Variants in TBC1D32 observed in about 807,000 individuals in gnomAD.
TBC1D32 encodes TBC1 domain family member 32, also known as protein broad-minded.
A neutral mutation model predicts 170.3 loss-of-function variants in TBC1D32; 151 were observed. The observed-to-expected ratio is 0.89, with a 90% CI of 0.78 to 1.01. The LOEUF (loss-of-function observed/expected upper bound fraction) is 1.01. Ranked by LOEUF, TBC1D32 falls within the 50% of genes least tolerant of loss-of-function variation. TBC1D32 has a pLI of 0.00. For synonymous variants in TBC1D32, 498 were observed against 488.0 expected (o/e 1.02, Z -0.27); for missense variants, 1,464 against 1,457.1 (o/e 1.00, Z -0.08).
chr6:121,180,081 G>T (rs778334676), intron 22 of TBC1D32, among the ~76,000 whole-genome samples: 4 of 151,990 alleles, frequency 2.6e-5, no homozygotes, highest in Non-Finnish European at 5.9e-5. Context: ...TTTAATGAGG[G>T]TAATTAAAGA....
chr6:121,237,425 A>T (rs1408665366), intron 20 of TBC1D32, among the ~76,000 whole-genome samples: 2 of 151,944 alleles, frequency 1.3e-5, no homozygotes, highest in Non-Finnish European at 2.9e-5. Context: ...TTTTTCATCT[A>T]TAAATTTCTA....
At chr6:121,140,690 AT>A (rs938857325) in intron 24 of TBC1D32, among the ~76,000 whole-genome samples, 21 of 152,124 alleles carry the variant, frequency 1.4e-4, no homozygotes, top group Admixed American at 3.3e-4. Flanking sequence ...TTTTTTAGTT[AT>A]TTTTTTCAAT....
At chr6:121,086,589 C>G (rs1776293136) in intron 31 of TBC1D32, among the ~76,000 whole-genome samples, 1 of 152,100 alleles carries the variant, frequency 6.6e-6, no homozygotes, top group South Asian at 2.1e-4. Flanking sequence ...CTGATTTTTT[C>G]ATAATTATAA....
intron 9 of TBC1D32, among the ~76,000 whole-genome samples, chr6:121,301,539 G>A (rs1563310212): frequency 6.6e-6 from 1 of 152,024 alleles, no homozygotes; most frequent in Admixed American, 6.6e-5. Flanking sequence ...GCCTGTTTGG[G>A]GGTGGGGTGC....
intron 22 of TBC1D32, among the ~76,000 whole-genome samples, chr6:121,193,360 T>C (rs1790328728): frequency 6.6e-6 from 1 of 152,276 alleles, no homozygotes; most frequent in Admixed American, 6.5e-5. Context: ...GAGACTGAGA[T>C]GGTGGAGTGG....
In TBC1D32 at chr6:121,325,842, A is replaced by G. The variant is rs139785333; in HGVS notation, c.156-4048T>C. ...TATCACCAGAATGAACAGGCAACCT[A>G]CAGAATGGGAGAAAATTTTTGCAAT... On this transcript the variant is annotated intron_variant, in intron 1 of 31. Coordinates refer to ENST00000398212, the MANE Select transcript of TBC1D32 (RefSeq NM_152730.6). Among the ~76,000 whole-genome samples, 316 of 152,312 alleles carry G rather than the reference A, an allele frequency of 2.1e-3. 1 individual carries two copies. The highest frequency in any genetic ancestry group is 7.3e-3 in the African/African-American group (304 of 41,570).
At chr6:121,227,323 T>A (rs1046616310) in intron 20 of TBC1D32, among the ~76,000 whole-genome samples, 2 of 152,142 alleles carry the variant, frequency 1.3e-5, no homozygotes, top group African/African-American at 4.8e-5. Context: ...CTTCAAATAG[T>A]TTTACATCTT....
intron 30 of TBC1D32, among the ~76,000 whole-genome samples, chr6:121,102,035 T>C (rs965799925): frequency 3.9e-5 from 6 of 152,072 alleles, no homozygotes; most frequent in Non-Finnish European, 8.8e-5. Context: ...TTACAAGAGA[T>C]GTGAAGGACC....
chr6:121,188,188 C>T (rs1383847066), intron 22 of TBC1D32, among the ~76,000 whole-genome samples: 1 of 151,882 alleles, frequency 6.6e-6, no homozygotes, highest in Middle Eastern at 3.2e-3. Context: ...TTGAGTGACT[C>T]AAATATAAAA....
At chr6:121,188,749 T>G (rs1305206278) in intron 22 of TBC1D32, among the ~76,000 whole-genome samples, 1 of 152,160 alleles carries the variant, frequency 6.6e-6, no homozygotes, top group Non-Finnish European at 1.5e-5. Flanking sequence ...ACTTTTTGAC[T>G]TTTTAAAATA....
chr6:121,147,568 TG>T (rs1365282375), intron 24 of TBC1D32, among the ~76,000 whole-genome samples: 1 of 151,914 alleles, frequency 6.6e-6, no homozygotes, highest in African/African-American at 2.4e-5. Flanking sequence ...TGATTAGTGA[TG>T]GTGAGCATTT....
At chr6:121,125,896 C>A (rs1433144643) in intron 26 of TBC1D32, among the ~76,000 whole-genome samples, 1 of 152,130 alleles carries the variant, frequency 6.6e-6, no homozygotes, top group Non-Finnish European at 1.5e-5. Context: ...TCACACCGAC[C>A]CAGACAAATG....
At chr6:121,193,191 C>T (rs1468420425) in intron 22 of TBC1D32, among the ~76,000 whole-genome samples, 1 of 152,168 alleles carries the variant, frequency 6.6e-6, no homozygotes, top group Non-Finnish European at 1.5e-5. Flanking sequence ...TAAGTAGGGA[C>T]TCTGCATTTA....
intron 21 of TBC1D32, among the ~76,000 whole-genome samples, chr6:121,216,682 AC>A (rs1210431417): frequency 6.6e-6 from 1 of 152,194 alleles, no homozygotes; most frequent in Non-Finnish European, 1.5e-5. Flanking sequence ...TATGTGGAAA[AC>A]CAAGGAACAT....
chr6:121,104,945 A>G (rs1272255445), intron 30 of TBC1D32, among the ~76,000 whole-genome samples: 1 of 151,874 alleles, frequency 6.6e-6, no homozygotes, highest in Non-Finnish European at 1.5e-5. Flanking sequence ...ATATACAGAA[A>G]TAGTTAATTA....
chr6:121,169,462 T>C (rs554808824), intron 22 of TBC1D32, among the ~76,000 whole-genome samples: 45 of 152,258 alleles, frequency 3.0e-4, no homozygotes, highest in Middle Eastern at 3.4e-3. Flanking sequence ...TCATTTTAAG[T>C]TCTCTTTGCT....
At chr6:121,087,863 T>C (rs1345361049) in intron 31 of TBC1D32, among the ~76,000 whole-genome samples, 2 of 152,188 alleles carry the variant, frequency 1.3e-5, no homozygotes, top group Non-Finnish European at 2.9e-5. Context: ...AAGCAATCAT[T>C]ATTAAATATG....
chr6:121,321,300 G>C (rs1033005448), intron 2 of TBC1D32, among the ~76,000 whole-genome samples: 2 of 152,168 alleles, frequency 1.3e-5, no homozygotes, highest in African/African-American at 4.8e-5. Flanking sequence ...ATCCCTCCGG[G>C]AGGGACTTAC....
At chr6:121,223,788 C>G (rs914205980) in intron 20 of TBC1D32, among the ~76,000 whole-genome samples, 1 of 152,104 alleles carries the variant, frequency 6.6e-6, no homozygotes, top group Admixed American at 6.6e-5. Flanking sequence ...TAACTACATT[C>G]ACTGAAAATC....
Sources: allele counts gnomAD v4.1 joint callset (sites outside exome capture counted in the v4.1 genomes callset), GRCh38; gene constraint gnomAD v4.1.1; transcripts MANE v1.5; gene names NCBI Gene and HGNC (gene_info 2026-07-23, HGNC 2026-07-21).